CASC3: variants seen among roughly 807,000 people sequenced by gnomAD.
CASC3 encodes CASC3 exon junction complex subunit, also known as protein CASC3.
In CASC3, 30 loss-of-function variants were observed where a neutral mutation model predicts 80.5. That is an observed-to-expected ratio of 0.37 (90% CI 0.28 to 0.51). CASC3 has a LOEUF of 0.51. Among genes scored for constraint, CASC3 ranks in the 20% least tolerant of loss-of-function variants. The pLI is 0.94. For synonymous variants in CASC3, 312 were observed against 333.6 expected (o/e 0.94, Z 0.70); for missense variants, 824 against 922.2 (o/e 0.89, Z 1.38).
chr17:40,172,031 A>C lies in CASC3; in HGVS notation c.*1626A>C. On this transcript the variant is annotated 3_prime_UTR_variant, in exon 14 of 14. Coordinates refer to ENST00000264645, the MANE Select transcript of CASC3 (RefSeq NM_007359.5). ...GATTCCCAGACCTTAAGACACTGTG[A>C]GAGTTGTCTCTGTTGGTCCACTGTG... 1 of 1,289,984 alleles carries C rather than the reference A, an allele frequency of 7.8e-7. No homozygotes were observed. Among genetic ancestry groups the C allele is most frequent in the Non-Finnish European group, 1.0e-6 (1 of 988,880 alleles). The allele number at this position is 1,289,984 out of a possible 1,614,324, so 79.9% of individuals were successfully genotyped here. A position where few individuals can be genotyped will look rare whatever the true frequency, so the allele number is the denominator to read the frequency against.
At chr17:40,148,326 C>T (rs1352637001) in intron 3 of CASC3, among the ~76,000 whole-genome samples, 3 of 151,734 alleles carry the variant, frequency 2.0e-5, no homozygotes, top group Non-Finnish European at 4.4e-5. Flanking sequence ...GCCCTGTCCC[C>T]AGAAGGAAGC....
intron 3 of CASC3, among the ~76,000 whole-genome samples, chr17:40,156,202 C>T (rs1989141795): frequency 6.6e-6 from 1 of 152,080 alleles, no homozygotes; most frequent in Non-Finnish European, 1.5e-5. Context: ...TGATTGCCAC[C>T]TACCCATCCT....
chr17:40,148,587 C>T (rs1325569222), intron 3 of CASC3, among the ~76,000 whole-genome samples: 1 of 152,092 alleles, frequency 6.6e-6, no homozygotes, highest in Non-Finnish European at 1.5e-5. Context: ...TCTCGAACTC[C>T]TGACTCAGAT....
chr17:40,163,735 T>TTAGTAG lies in CASC3; in HGVS notation c.1044_1045insAGTAGT (p.Ser348_Tyr349insSerSer). Reference sequence around the variant, plus strand: ...TCTGGTGAGACTGTTAAGCATGAGATTAGTTACCGGTCACGGCGCCTAGAG... The same window carrying TTAGTAG: ...TCTGGTGAGACTGTTAAGCATGAGATTAGTAGTAGTTACCGGTCACGGCGCCTAGAG... On this transcript the variant is annotated inframe_insertion, in exon 7 of 14. Transcript: ENST00000264645. The TTAGTAG allele has an allele frequency of 6.2e-7, 1 of 1,613,948 alleles. No homozygotes were observed. Among genetic ancestry groups the TTAGTAG allele is most frequent in the Non-Finnish European group, 8.5e-7 (1 of 1,179,974 alleles).
Position 40,163,969 on chromosome 17 carries a change from C to T in CASC3, c.1274C>T (p.Pro425Leu), listed in dbSNP as rs773854174. 3 of 1,613,976 alleles carry T rather than the reference C, an allele frequency of 1.9e-6. No homozygotes were observed. Among genetic ancestry groups the T allele is most frequent in the African/African-American group, 2.7e-5 (2 of 74,904 alleles). ...GDAVKLAEEV[P>L]PPPEGLIPAP... is the part of the protein sequence containing the mutation. Reference sequence around the variant, plus strand: ...GCAGTCAAGCTTGCAGAGGAGGTGCCCCCTCCTCCTGAAGGACTGATTCCA... The same window carrying T: ...GCAGTCAAGCTTGCAGAGGAGGTGCTCCCTCCTCCTGAAGGACTGATTCCA... Residue 425 changes from proline (P) to leucine (L), a missense_variant, in exon 7 of 14, where the codon CCC becomes CTC. Coordinates refer to ENST00000264645, the MANE Select transcript of CASC3 (RefSeq NM_007359.5).
chr17:40,163,415 C>T, intron 6 of CASC3, 66 bp from the exon 7 acceptor site: 2 of 1,407,504 alleles, frequency 1.4e-6, no homozygotes, highest in Non-Finnish European at 1.9e-6. Flanking sequence ...GATTACAGGC[C>T]TGAGCCACCG....
intron 3 of CASC3, among the ~76,000 whole-genome samples, chr17:40,155,178 T>C (rs997746268): frequency 2.0e-5 from 3 of 152,022 alleles, no homozygotes; most frequent in Non-Finnish European, 4.4e-5. Context: ...CATGAGCCAC[T>C]GCGCCTGGCC....
intron 3 of CASC3, among the ~76,000 whole-genome samples, chr17:40,149,661 A>G (rs1368688189): frequency 6.6e-6 from 1 of 152,218 alleles, no homozygotes; most frequent in Non-Finnish European, 1.5e-5. Context: ...AACATCTTCC[A>G]TTGTAATTAC....
At chr17:40,153,151 T>A (rs1475849011) in intron 3 of CASC3, among the ~76,000 whole-genome samples, 1 of 152,190 alleles carries the variant, frequency 6.6e-6, no homozygotes, top group Non-Finnish European at 1.5e-5. Flanking sequence ...TTATATCCTT[T>A]TACCACGATC....
chr17:40,141,317 C>T, intron 2 of CASC3, 83 bp downstream of exon 2: 9 of 1,256,962 alleles, frequency 7.2e-6, no homozygotes, highest in South Asian at 1.2e-5. Context: ...TCGACATTCT[C>T]ACACACTGTC....
chr17:40,145,828 A>G (rs1490138429), intron 3 of CASC3, among the ~76,000 whole-genome samples: 3 of 151,740 alleles, frequency 2.0e-5, no homozygotes, highest in Non-Finnish European at 4.4e-5. Flanking sequence ...ATGGGGTTTC[A>G]CCATGTTGGC....
In CASC3 at chr17:40,167,899, G is replaced by T; in HGVS notation, c.1701G>T (p.Leu567=). The T allele has an allele frequency of 6.2e-7, 1 of 1,614,168 alleles. No individual in the cohort carries two copies. The highest frequency in any genetic ancestry group is 8.5e-7 in the Non-Finnish European group (1 of 1,180,028). ...CCCATGGTGACAGCCCTGCCCCGCT[G>T]CCTCCACAGGGCATGCTTGTGCAGC... The part of the protein sequence containing the change: ...IYTHGDSPAP[L]PPQGMLVQPG... Residue 567 remains leucine, a synonymous_variant, in exon 10 of 14, where the codon CTG becomes CTT. Coordinates refer to ENST00000264645, the MANE Select transcript of CASC3 (RefSeq NM_007359.5).
chr17:40,143,912 C>G (rs543330948), intron 3 of CASC3, among the ~76,000 whole-genome samples: 1 of 151,472 alleles, frequency 6.6e-6, no homozygotes, highest in African/African-American at 2.4e-5. Context: ...GCGATCCATA[C>G]CCCATTTACC....
chr17:40,152,038 GTATC>G (rs1380615221), intron 3 of CASC3, among the ~76,000 whole-genome samples: 1 of 152,110 alleles, frequency 6.6e-6, no homozygotes, highest in Non-Finnish European at 1.5e-5. Flanking sequence ...GCTAATTAAC[GTATC>G]TATCACCTCA....
At chr17:40,140,800 C>T (rs906190516) in intron 1 of CASC3, 21 bp downstream of exon 1, 1 of 111,596 alleles carries the variant, frequency 9.0e-6, no homozygotes, top group Non-Finnish European at 1.2e-5. Context: ...GCAGGCGGGG[C>T]GGGGTGGGGA....
In CASC3 at chr17:40,171,684, T is replaced by G; in HGVS notation, c.*1279T>G. On this transcript the variant is annotated 3_prime_UTR_variant, in exon 14 of 14. Coordinates refer to ENST00000264645, the MANE Select transcript of CASC3 (RefSeq NM_007359.5). ...TCTCTGCTGCCTCTGTGGAAGAGAT[T>G]CCTATTACTGCAGTACATACGTCTG... 9.7e-7 allele frequency: 1 copy of G among 1,032,562 alleles called. No individual in the cohort carries two copies. Among genetic ancestry groups the G allele is most frequent in the Non-Finnish European group, 1.2e-6 (1 of 858,140 alleles). The allele number at this position is 1,032,562 out of a possible 1,614,324, so 64.0% of individuals were successfully genotyped here.
chr17:40,153,537 T>C (rs982306348), intron 3 of CASC3, among the ~76,000 whole-genome samples: 1 of 152,198 alleles, frequency 6.6e-6, no homozygotes, highest in African/African-American at 2.4e-5. Flanking sequence ...TGCTGAGTCA[T>C]GTGGTAACTC....
chr17:40,157,095 C>T (rs557210138), intron 3 of CASC3, among the ~76,000 whole-genome samples: 1 of 152,202 alleles, frequency 6.6e-6, no homozygotes, highest in African/African-American at 2.4e-5. Context: ...CCTGTAATCC[C>T]AGCACTTTGG....
intron 7 of CASC3, among the ~76,000 whole-genome samples, chr17:40,165,661 C>T (rs1008975781): frequency 3.9e-5 from 6 of 151,960 alleles, no homozygotes; most frequent in African/African-American, 9.7e-5. Flanking sequence ...CCCTTATTTC[C>T]TTAATCTTCT....
Sources: allele counts gnomAD v4.1 joint callset (sites outside exome capture counted in the v4.1 genomes callset), GRCh38; gene constraint gnomAD v4.1.1; transcripts MANE v1.5; gene names NCBI Gene and HGNC (gene_info 2026-07-23, HGNC 2026-07-21).